The following ZFAND3 variants were observed in gnomAD, a reference collection of about 807,000 sequenced individuals.
ZFAND3 encodes the protein AN1-type zinc finger protein 3.
Under a neutral mutation model 29.6 loss-of-function variants are expected in ZFAND3, and 10 were observed. The ratio of observed to expected loss-of-function variants is 0.34; its 90% CI spans 0.21 to 0.57. The LOEUF is 0.57. Ranked by LOEUF, ZFAND3 falls within the 20% of genes least tolerant of loss-of-function variation. The pLI is 0.86. For synonymous variants in ZFAND3, 128 were observed against 112.6 expected (o/e 1.14, Z -0.87); for missense variants, 230 against 304.5 (o/e 0.76, Z 1.82).
intron 2 of ZFAND3, among the ~76,000 whole-genome samples, chr6:37,933,100 C>T (rs1316859235): frequency 6.6e-6 from 1 of 152,150 alleles, no homozygotes. Context: ...TTTTACAAGA[C>T]AACATAAAGA....
intron 1 of ZFAND3, among the ~76,000 whole-genome samples, chr6:37,890,539 G>A (rs1765076710): frequency 6.6e-6 from 1 of 152,152 alleles, no homozygotes; most frequent in Non-Finnish European, 1.5e-5. Flanking sequence ...ACCTCATTGG[G>A]TTGTGTAGAT....
chr6:38,075,024 T>C (rs1764525837), intron 3 of ZFAND3, among the ~76,000 whole-genome samples: 1 of 152,218 alleles, frequency 6.6e-6, no homozygotes, highest in Admixed American at 6.5e-5. Context: ...AAAATATTAT[T>C]GTTCATTGAC....
chr6:38,127,360 T>C (rs1197815164), intron 5 of ZFAND3, among the ~76,000 whole-genome samples: 1 of 152,258 alleles, frequency 6.6e-6, no homozygotes, highest in Non-Finnish European at 1.5e-5. Flanking sequence ...TCAACAAAGC[T>C]GTGTTCTAAA....
chr6:37,932,077 T>G (rs190379037), intron 2 of ZFAND3, among the ~76,000 whole-genome samples: 76 of 152,316 alleles, frequency 5.0e-4, no homozygotes, highest in African/African-American at 1.8e-3. Context: ...GAGACCATCC[T>G]GGCCAACATG....
chr6:38,067,167 AG>A (rs1226467521), intron 3 of ZFAND3, among the ~76,000 whole-genome samples: 1 of 152,222 alleles, frequency 6.6e-6, no homozygotes, highest in Non-Finnish European at 1.5e-5. Flanking sequence ...CAAGTCTCAC[AG>A]TCAGCCCTGT....
rs147112138 is a variant in ZFAND3, at chr6:37,992,145, C to G, written c.112+62146C>G. Among the ~76,000 whole-genome samples, 76 of 152,240 alleles carry G rather than the reference C, an allele frequency of 5.0e-4. No individual in the cohort carries two copies. The East Asian group carries it at 0.01, about 20-fold the overall frequency. ...GAACTGTGTTGTTTCTTAGACTAGG[C>G]TTTTAAATTCACTCACCCTTGAAGG... On this transcript the variant is annotated intron_variant, in intron 2 of 5. Transcript: ENST00000287218.
chr6:37,947,346 A>G (rs186558608), intron 2 of ZFAND3, among the ~76,000 whole-genome samples: 46 of 152,098 alleles, frequency 3.0e-4, no homozygotes, highest in Non-Finnish European at 4.1e-4. Context: ...ATGCCATAAC[A>G]GGCATAATTT....
rs150324872 is a variant in ZFAND3, at chr6:38,136,050, C to T, written c.530-16185C>T. Among the ~76,000 whole-genome samples the T allele has an allele frequency of 9.5e-4, 144 of 152,174 alleles. 3 individuals are homozygous for T. In the East Asian group the frequency reaches 0.011, roughly 11 times the overall value. On this transcript the variant is annotated intron_variant, in intron 5 of 5. Transcript: ENST00000287218. The stretch of plus-strand genomic sequence containing the variant: ...GACTAGAAATGTCTGGAAATGGAGG[C>T]GGGGCAAAAATGGAGGTGTGATGGT...
At chr6:37,931,386 G>A (rs1761591534) in intron 2 of ZFAND3, among the ~76,000 whole-genome samples, 1 of 151,958 alleles carries the variant, frequency 6.6e-6, no homozygotes, top group Non-Finnish European at 1.5e-5. Flanking sequence ...AGAAATGTTA[G>A]TATTTAAAAT....
At chr6:38,087,820 T>G (rs904868227) in intron 4 of ZFAND3, among the ~76,000 whole-genome samples, 3 of 152,198 alleles carry the variant, frequency 2.0e-5, no homozygotes, top group African/African-American at 7.2e-5. Context: ...GATCCAGCCA[T>G]TCCACTGCTG....
chr6:37,989,359 CA>C (rs1349418377), intron 2 of ZFAND3, among the ~76,000 whole-genome samples: 1 of 152,120 alleles, frequency 6.6e-6, no homozygotes, highest in African/African-American at 2.4e-5. Flanking sequence ...CTGGGAAGTC[CA>C]AGATTACATG....
intron 4 of ZFAND3, 38 bp from the exon 5 acceptor site, chr6:38,116,534 G>A (rs766575544): frequency 6.3e-7 from 1 of 1,580,756 alleles, no homozygotes; most frequent in Non-Finnish European, 8.6e-7. Context: ...GCCAGGCCAG[G>A]CACTAATCCT....
intron 2 of ZFAND3, among the ~76,000 whole-genome samples, chr6:37,953,441 CTTTTTTT>C (rs35182018): frequency 0.073 from 7,737 of 106,308 alleles, 588 homozygotes; most frequent in East Asian, 0.43. Flanking sequence ...GCATAATTAT[CTTTTTTT>C]TTTTTTTTTT....
At position 38,112,666 on chromosome 6, in the gene ZFAND3, A is replaced by AT. The variant is rs201014029; in HGVS notation, c.362-3897dup. Among the ~76,000 whole-genome samples, 407 of 151,806 alleles carry AT rather than the reference A, an allele frequency of 2.7e-3. 6 individuals are homozygous for AT. The highest frequency in any genetic ancestry group is 0.014 in the Middle Eastern group (4 of 294). On this transcript the variant is annotated intron_variant, in intron 4 of 5. Transcript: ENST00000287218. ...TTGCTTTAATGTCAACCATGTTTGGATTTTTTTTTCCTGGTAGTCTTTTTC... is the reference window on the plus strand; with the variant it reads ...TTGCTTTAATGTCAACCATGTTTGGATTTTTTTTTTCCTGGTAGTCTTTTTC...
intron 1 of ZFAND3, among the ~76,000 whole-genome samples, chr6:37,842,666 T>A (rs1377665991): frequency 6.6e-6 from 1 of 152,214 alleles, no homozygotes; most frequent in Non-Finnish European, 1.5e-5. Flanking sequence ...AGGACTAGAA[T>A]AGATTGGAAT....
In ZFAND3 at chr6:38,109,178, CTT is replaced by C. The variant is rs1210795483; in HGVS notation, c.362-7376_362-7375del. Among the ~76,000 whole-genome samples, 728 of 130,682 alleles carry C rather than the reference CTT, an allele frequency of 5.6e-3. 7 individuals carry two copies. Among genetic ancestry groups the C allele is most frequent in the African/African-American group, 0.018 (635 of 35,182 alleles). 85.7% of individuals were successfully genotyped at this position (130,682 alleles called of 152,430 possible). A position where few individuals can be genotyped will look rare whatever the true frequency, so the allele number is the denominator to read the frequency against. ...AAAACTGTTGGACTTGCTGCCATGACTTTTTTTTTTTTTTTTTTTCTTGAGAC... is the reference window on the plus strand; with the variant it reads ...AAAACTGTTGGACTTGCTGCCATGACTTTTTTTTTTTTTTTTTCTTGAGAC... On this transcript the variant is annotated intron_variant, in intron 4 of 5. Coordinates refer to ENST00000287218, the MANE Select transcript of ZFAND3 (RefSeq NM_021943.3).
At chr6:37,852,871 A>G (rs1004833076) in intron 1 of ZFAND3, among the ~76,000 whole-genome samples, 1 of 151,926 alleles carries the variant, frequency 6.6e-6, no homozygotes, top group Non-Finnish European at 1.5e-5. Context: ...GTGAGCCACC[A>G]TGCCCAGCCT....
chr6:38,122,804 T>C (rs1483829339), intron 5 of ZFAND3, among the ~76,000 whole-genome samples: 2 of 152,136 alleles, frequency 1.3e-5, no homozygotes, highest in African/African-American at 4.8e-5. Context: ...TATAGTGATA[T>C]GGAGAGGGAG....
intron 5 of ZFAND3, among the ~76,000 whole-genome samples, chr6:38,145,152 C>T (rs1455334998): frequency 6.6e-6 from 1 of 152,200 alleles, no homozygotes; most frequent in East Asian, 1.9e-4. Context: ...CTCCACCCAC[C>T]TCTCCAGACC....
Sources: allele counts gnomAD v4.1 joint callset (sites outside exome capture counted in the v4.1 genomes callset), GRCh38; gene constraint gnomAD v4.1.1; transcripts MANE v1.5; gene names NCBI Gene and HGNC (gene_info 2026-07-23, HGNC 2026-07-21).